The following CLIC5 variants were observed in gnomAD, a reference collection of about 807,000 sequenced individuals.
CLIC5 encodes CLIC family member 5, also known as chloride intracellular channel protein 5.
Under a neutral mutation model 24.7 loss-of-function variants are expected in CLIC5, and 20 were observed. That is an observed-to-expected ratio of 0.81 (90% CI 0.57 to 1.18). The LOEUF (loss-of-function observed/expected upper bound fraction) is 1.18. CLIC5 is among the 50% of genes most tolerant of loss of function. The probability of loss-of-function intolerance (pLI) is 0.00; values close to 1 mark genes in which losing one functional copy is unlikely to be tolerated. For synonymous variants in CLIC5, 159 were observed against 135.6 expected (o/e 1.17, Z -1.20); for missense variants, 341 against 326.1 (o/e 1.05, Z -0.35).
chr6:46,059,949 C>G (rs1762199710), intron 1 of CLIC5, among the ~76,000 whole-genome samples: 1 of 152,098 alleles, frequency 6.6e-6, no homozygotes, highest in Non-Finnish European at 1.5e-5. Flanking sequence ...AGTTTGAAGT[C>G]TTAGATTTAA....
chr6:45,913,163 A>C (rs1255221124), intron 5 of CLIC5, among the ~76,000 whole-genome samples: 1 of 152,250 alleles, frequency 6.6e-6, no homozygotes, highest in African/African-American at 2.4e-5. Flanking sequence ...GTATTTATTG[A>C]ATGGCCACTG....
chr6:45,934,688 A>AT, intron 4 of CLIC5, among the ~76,000 whole-genome samples: 1 of 152,332 alleles, frequency 6.6e-6, no homozygotes, highest in Non-Finnish European at 1.5e-5. Context: ...GAAATACTGA[A>AT]TTTTTGTCTT....
chr6:45,893,179 T>G (rs1331819528), intron 6 of CLIC5, among the ~76,000 whole-genome samples: 1 of 152,088 alleles, frequency 6.6e-6, no homozygotes, highest in Non-Finnish European at 1.5e-5. Flanking sequence ...TTTGTTTTCA[T>G]GTTGTATGGC....
At chr6:46,084,953 C>T (rs1280460379), upstream of CLIC5, among the ~76,000 whole-genome samples, 1 of 152,198 alleles carries the variant, frequency 6.6e-6, no homozygotes, top group Non-Finnish European at 1.5e-5. Context: ...TCCAATATTT[C>T]TTGGAGGCTT....
chr6:46,013,645 G>A (rs1173462143), intron 1 of CLIC5, among the ~76,000 whole-genome samples: 2 of 152,290 alleles, frequency 1.3e-5, no homozygotes, highest in Admixed American at 6.5e-5. Context: ...GTGCAGTAAG[G>A]TTTTTATATA....
chr6:45,973,401 G>A lies in CLIC5; in HGVS notation c.64-18157C>T, dbSNP rs545491671. Among the ~76,000 whole-genome samples the A allele has an allele frequency of 2.5e-4, 38 of 152,256 alleles. 1 individual carries two copies. Among genetic ancestry groups the A allele is most frequent in the East Asian group, 3.9e-4 (2 of 5,184 alleles). On this transcript the variant is annotated intron_variant, in intron 1 of 5. Transcript: ENST00000339561. ...CTGCCTGTTGCAGGAAAAATAACTC[G>A]CTTGCAGCTAACTCTTTCTTTTCAT... is the stretch of plus-strand genomic sequence containing the variant.
the CLIC5 span, among the ~76,000 whole-genome samples, chr6:46,114,529 A>G: frequency 6.6e-6 from 1 of 152,048 alleles, no homozygotes; most frequent in African/African-American, 2.4e-5. Context: ...TGGGCATCTT[A>G]ATGGGAGTTC....
chr6:46,093,286 T>A, the CLIC5 span, among the ~76,000 whole-genome samples: 2 of 152,208 alleles, frequency 1.3e-5, no homozygotes, highest in Non-Finnish European at 2.9e-5. Flanking sequence ...AATAACCACA[T>A]CTTATTTACC....
At chr6:46,094,501 G>T in the CLIC5 span, among the ~76,000 whole-genome samples, 1 of 152,080 alleles carries the variant, frequency 6.6e-6, no homozygotes, top group African/African-American at 2.4e-5. Context: ...GGAGAAATTG[G>T]CCCAAAAAAG....
At chr6:45,882,153 C>T (rs1305963189) in intron 6 of CLIC5, among the ~76,000 whole-genome samples, 1 of 152,196 alleles carries the variant, frequency 6.6e-6, no homozygotes, top group Non-Finnish European at 1.5e-5. Context: ...AATGCTTTTA[C>T]CAGAGACTCC....
At chr6:46,086,100 G>C in the CLIC5 span, among the ~76,000 whole-genome samples, 1 of 152,352 alleles carries the variant, frequency 6.6e-6, no homozygotes, top group South Asian at 2.1e-4. Context: ...CGTTGGAAAA[G>C]CGCAGTATTA....
chr6:46,049,827 T>G (rs1768054372), intron 1 of CLIC5, among the ~76,000 whole-genome samples: 5 of 152,340 alleles, frequency 3.3e-5, no homozygotes, highest in Admixed American at 3.3e-4. Flanking sequence ...TGGTAAGTTA[T>G]AGTTAATTGT....
At chr6:45,908,947 G>C (rs1762735834) in intron 5 of CLIC5, among the ~76,000 whole-genome samples, 1 of 151,838 alleles carries the variant, frequency 6.6e-6, no homozygotes, top group Admixed American at 6.6e-5. Flanking sequence ...TTGTGAACCT[G>C]GGTGCTCCAG....
chr6:45,935,505 C>G (rs977372813), intron 4 of CLIC5, among the ~76,000 whole-genome samples: 18 of 152,314 alleles, frequency 1.2e-4, no homozygotes, highest in Non-Finnish European at 2.4e-4. Context: ...CTCCCTCAAG[C>G]CTTCTACTTC....
At chr6:46,124,634 T>C in the CLIC5 span, among the ~76,000 whole-genome samples, 17 of 152,290 alleles carry the variant, frequency 1.1e-4, 1 homozygote, top group South Asian at 2.7e-3. Flanking sequence ...TCAGAGTGAA[T>C]GGGCAACCTA....
chr6:46,003,920 C>T (rs1035979437), intron 1 of CLIC5, among the ~76,000 whole-genome samples: 1 of 152,164 alleles, frequency 6.6e-6, no homozygotes, highest in Non-Finnish European at 1.5e-5. Flanking sequence ...TAGAGCAACC[C>T]ATCATGCAGC....
At chr6:45,987,427 A>C (rs1216326699) in intron 1 of CLIC5, among the ~76,000 whole-genome samples, 1 of 152,198 alleles carries the variant, frequency 6.6e-6, no homozygotes, top group Non-Finnish European at 1.5e-5. Flanking sequence ...GACAGATGAA[A>C]TCCAGAAAGT....
chr6:45,953,797 C>T (rs971267418), intron 2 of CLIC5, among the ~76,000 whole-genome samples: 2 of 151,990 alleles, frequency 1.3e-5, no homozygotes, highest in Non-Finnish European at 2.9e-5. Flanking sequence ...AGATGAAGAC[C>T]AGTTTGAAGA....
intron 1 of CLIC5, among the ~76,000 whole-genome samples, chr6:46,008,853 T>C (rs893330659): frequency 2.6e-5 from 4 of 152,158 alleles, no homozygotes; most frequent in Admixed American, 1.3e-4. Context: ...CTCCATCCTG[T>C]GAAATGCTTG....
Sources: allele counts gnomAD v4.1 joint callset (sites outside exome capture counted in the v4.1 genomes callset), GRCh38; gene constraint gnomAD v4.1.1; transcripts MANE v1.5; gene names NCBI Gene and HGNC (gene_info 2026-07-23, HGNC 2026-07-21).